The following ZFHX3 variants were observed in gnomAD, a reference collection of about 807,000 sequenced individuals.
The protein encoded by ZFHX3 is zinc finger homeobox protein 3.
Under a neutral mutation model 279.1 loss-of-function variants are expected in ZFHX3, and 42 were observed. That is an observed-to-expected ratio of 0.15 (90% confidence interval 0.12 to 0.19). The LOEUF (loss-of-function observed/expected upper bound fraction) is 0.19. ZFHX3 is among the 10% of genes least tolerant of loss of function. The pLI, the probability that ZFHX3 is intolerant of heterozygous loss-of-function variation, is 1.00. For synonymous variants in ZFHX3, 2,293 were observed against 1,957.8 expected (o/e 1.17, Z -4.52); for missense variants, 4,981 against 4,754.0 (o/e 1.05, Z -1.40).
At chr16:73,841,252 C>T (rs1438361785) in intron 1 of ZFHX3, among the ~76,000 whole-genome samples, 2 of 152,124 alleles carry the variant, frequency 1.3e-5, no homozygotes, top group African/African-American at 4.8e-5. Context: ...TTCCACATCT[C>T]CTTCAGCTCC....
chr16:73,073,822 G>C (rs556257060), intron 8 of ZFHX3, among the ~76,000 whole-genome samples: 11 of 152,312 alleles, frequency 7.2e-5, no homozygotes, highest in Admixed American at 3.9e-4. Context: ...TTGAGACATC[G>C]TTAGGTAGAT....
chr16:73,022,701 G>A (rs576108295), intron 1 of ZFHX3, among the ~76,000 whole-genome samples: 1 of 152,136 alleles, frequency 6.6e-6, no homozygotes, highest in African/African-American at 2.4e-5. Flanking sequence ...GGGCCAAGCA[G>A]GTAACACAAA....
At chr16:73,838,641 T>C (rs1335689388) in intron 1 of ZFHX3, among the ~76,000 whole-genome samples, 1 of 152,092 alleles carries the variant, frequency 6.6e-6, no homozygotes, top group African/African-American at 2.4e-5. Flanking sequence ...TTCAACCCCA[T>C]TGAAAAAGAG....
At chr16:73,424,990 A>G (rs1427694948) in intron 3 of ZFHX3, among the ~76,000 whole-genome samples, 2 of 152,130 alleles carry the variant, frequency 1.3e-5, no homozygotes, top group East Asian at 1.9e-4. Context: ...TAACTGGGCC[A>G]AAGACCACCA....
chr16:72,905,214 G>A (rs966184556), intron 3 of ZFHX3, among the ~76,000 whole-genome samples: 2 of 152,182 alleles, frequency 1.3e-5, no homozygotes, highest in African/African-American at 4.8e-5. Flanking sequence ...ATGGGAGGTT[G>A]GGGGCTGAAG....
Position 72,788,832 on chromosome 16 carries a change from C to A in ZFHX3, c.9444G>T (p.Lys3148Asn). The A allele has an allele frequency of 6.6e-7, 1 of 1,520,958 alleles. No homozygotes were observed. Among genetic ancestry groups the A allele is most frequent in the Non-Finnish European group, 8.8e-7 (1 of 1,137,186 alleles). 94.2% of individuals were successfully genotyped at this position (1,520,958 alleles called of 1,614,324 possible). Reference sequence around the variant, plus strand: ...TGCTGGGCAGACCCATCAAGTTCGGCTTAGGAGACGTTAAAGCTGAAAGGA... The same window carrying A: ...TGCTGGGCAGACCCATCAAGTTCGGATTAGGAGACGTTAAAGCTGAAAGGA... ...TPSNTALTSP[K>N]PNLMGLPSTT... Residue 3148 changes from lysine (K) to asparagine (N), a missense_variant, in exon 10 of 10, where the codon AAG (lysine) becomes AAT (asparagine). Lys to Asn is a moderately conservative substitution (Grantham distance 94). Transcript: ENST00000268489.
chr16:73,391,963 G>C (rs80250673), intron 3 of ZFHX3, among the ~76,000 whole-genome samples: 161 of 152,218 alleles, frequency 1.1e-3, no homozygotes, highest in African/African-American at 3.7e-3. Context: ...TATACTACAT[G>C]GCTCAGCTAG....
rs2035914376 is a variant in ZFHX3, at chr16:72,796,546, G to C, written c.6136C>G (p.Pro2046Ala). 6.2e-7 allele frequency: 1 copy of C among 1,606,512 alleles called. No individual in the cohort carries two copies. The highest frequency in any genetic ancestry group is 1.7e-5 in the Admixed American group (1 of 59,506). The change falls in exon 9 of 10, where the codon CCC becomes GCC. Residue 2046 changes from proline to alanine, a missense_variant. Pro to Ala is a conservative substitution (Grantham distance 27). Coordinates refer to ENST00000268489, the MANE Select transcript of ZFHX3 (RefSeq NM_006885.4). Reference sequence around the variant, plus strand: ...GCTGCCGGAAGTGGGGGTGGAGGGGGTGGAGGGGGAGGTGGTGGTGGCTCT... The same window carrying C: ...GCTGCCGGAAGTGGGGGTGGAGGGGCTGGAGGGGGAGGTGGTGGTGGCTCT... ...TPEPPPPPPP[P>A]PPPPLPAAPP...
At chr16:73,328,714 T>C (rs1039912448) in intron 3 of ZFHX3, among the ~76,000 whole-genome samples, 1 of 152,212 alleles carries the variant, frequency 6.6e-6, no homozygotes, top group Non-Finnish European at 1.5e-5. Flanking sequence ...AGGAGACTTG[T>C]AACAGAATTA....
At chr16:73,406,367 A>C (rs1266181049) in intron 3 of ZFHX3, among the ~76,000 whole-genome samples, 1 of 152,198 alleles carries the variant, frequency 6.6e-6, no homozygotes, top group Non-Finnish European at 1.5e-5. Context: ...ACCGTCACAG[A>C]GTTACAGTCG....
At chr16:73,835,234 T>A (rs933941682) in intron 1 of ZFHX3, among the ~76,000 whole-genome samples, 18 of 152,146 alleles carry the variant, frequency 1.2e-4, no homozygotes, top group African/African-American at 4.1e-4. Context: ...CTCTGTCAGG[T>A]TTTTCTAAGA....
intron 5 of ZFHX3, among the ~76,000 whole-genome samples, chr16:73,223,709 C>T (rs1325808775): frequency 1.3e-5 from 2 of 152,038 alleles, no homozygotes; most frequent in African/African-American, 2.4e-5. Context: ...TAGTATTTAC[C>T]CAAATGAGTT....
At chr16:73,005,449 C>G (rs909605267) in intron 1 of ZFHX3, among the ~76,000 whole-genome samples, 5 of 152,016 alleles carry the variant, frequency 3.3e-5, no homozygotes, top group African/African-American at 1.2e-4. Context: ...GAGCCAAGAT[C>G]GTGCCACTGC....
chr16:73,603,179 G>A (rs2143865922), intron 2 of ZFHX3, among the ~76,000 whole-genome samples: 1 of 151,644 alleles, frequency 6.6e-6, no homozygotes, highest in African/African-American at 2.4e-5. Context: ...CAGCTACTCA[G>A]GAGGCTGAGG....
At position 73,653,903 on chromosome 16, in the gene ZFHX3, G is replaced by A. The variant is rs896152983; in HGVS notation, c.-1547+26277C>T. Among the ~76,000 whole-genome samples, 70 of 152,132 alleles carry A rather than the reference G, an allele frequency of 4.6e-4. 1 individual carries two copies. The highest frequency in any genetic ancestry group is 1.5e-3 in the African/African-American group (63 of 41,534). The stretch of plus-strand genomic sequence containing the variant: ...GCCATCATTAAAAAGATAAAAAGAG[G>A]GCCGGGCACGGTGGCTCACGCCTGT... On this transcript the variant is annotated intron_variant, in intron 2 of 17. Coordinates refer to the ZFHX3 transcript ENST00000641206.
intron 2 of ZFHX3, among the ~76,000 whole-genome samples, chr16:73,651,592 T>G (rs1249411378): frequency 2.0e-5 from 3 of 147,952 alleles, no homozygotes; most frequent in African/African-American, 5.0e-5. Flanking sequence ...AATCCACTAC[T>G]TTGGGAGGCC....
intron 2 of ZFHX3, among the ~76,000 whole-genome samples, chr16:73,517,060 T>C (rs906338007): frequency 6.8e-6 from 1 of 147,968 alleles, no homozygotes; most frequent in Admixed American, 6.9e-5. Context: ...GTTGAAGTCT[T>C]CATCCCCCCA....
intron 4 of ZFHX3, among the ~76,000 whole-genome samples, chr16:73,276,247 G>C (rs1359562918): frequency 6.7e-6 from 1 of 149,396 alleles, no homozygotes; most frequent in South Asian, 2.1e-4. Flanking sequence ...GCAATGGTGC[G>C]ATCTCAGCTC....
At chr16:73,881,893 G>T (rs561435549) in intron 1 of ZFHX3, among the ~76,000 whole-genome samples, 1 of 151,988 alleles carries the variant, frequency 6.6e-6, no homozygotes, top group Non-Finnish European at 1.5e-5. Flanking sequence ...GACCTGCCCC[G>T]CAGCTCCCCT....
Sources: allele counts gnomAD v4.1 joint callset (sites outside exome capture counted in the v4.1 genomes callset), GRCh38; gene constraint gnomAD v4.1.1; transcripts MANE v1.5; gene names NCBI Gene and HGNC (gene_info 2026-07-23, HGNC 2026-07-21).